SGCZ: variants seen among roughly 807,000 people sequenced by gnomAD.
SGCZ encodes zeta-sarcoglycan.
SGCZ carries 40 observed loss-of-function variants against 41.3 expected under a neutral mutation model. The ratio of observed to expected loss-of-function variants is 0.97; its 90% CI spans 0.75 to 1.26. The LOEUF (loss-of-function observed/expected upper bound fraction) is 1.26. Among genes scored for constraint, SGCZ ranks in the 50% most tolerant of loss-of-function variants. The probability of loss-of-function intolerance (pLI) is 0.00; values close to 1 mark genes in which losing one functional copy is unlikely to be tolerated. For missense variants in SGCZ, 552 were observed against 369.8 expected (o/e 1.49, Z -4.04); for synonymous variants, 206 against 137.5 (o/e 1.50, Z -3.49).
chr8:14,619,892 T>TC (rs755831885), intron 1 of SGCZ, among the ~76,000 whole-genome samples: 2 of 152,018 alleles, frequency 1.3e-5, no homozygotes. Flanking sequence ...TTCAATGCCA[T>TC]CCCATCAAGC....
In SGCZ at chr8:14,497,358, G is replaced by C. The variant is rs139967455; in HGVS notation, c.234+57374C>G. The stretch of plus-strand genomic sequence containing the variant: ...AGAAAGAAGGGAGAGGTCCAAGTCT[G>C]TTTTAAACAATCAGATCTCTCGTGA... On this transcript the variant is annotated intron_variant, in intron 2 of 7. Coordinates refer to ENST00000382080, the MANE Select transcript of SGCZ (RefSeq NM_139167.4). Among the ~76,000 whole-genome samples, 300 of 152,192 alleles carry C rather than the reference G, an allele frequency of 2.0e-3. 3 individuals are homozygous for C. The highest frequency in any genetic ancestry group is 6.8e-3 in the African/African-American group (281 of 41,532).
At chr8:14,677,815 A>T (rs982982464) in intron 1 of SGCZ, among the ~76,000 whole-genome samples, 13 of 152,160 alleles carry the variant, frequency 8.5e-5, no homozygotes, top group Non-Finnish European at 1.9e-4. Context: ...TAAACTTTAT[A>T]TGGAGAGGCA....
intron 1 of SGCZ, among the ~76,000 whole-genome samples, chr8:15,055,070 A>C (rs1320335050): frequency 6.6e-6 from 1 of 152,110 alleles, no homozygotes; most frequent in Non-Finnish European, 1.5e-5. Context: ...TTACCTAAAG[A>C]ATAAGTGCCA....
intron 1 of SGCZ, among the ~76,000 whole-genome samples, chr8:14,627,632 C>CT (rs1003177328): frequency 1.3e-5 from 2 of 151,706 alleles, no homozygotes; most frequent in Non-Finnish European, 3.0e-5. Flanking sequence ...GATTTCAGCA[C>CT]TTTTTTTCCT....
rs79131292 is a variant in SGCZ, at chr8:14,864,137, C to A, written c.40-309211G>T. Among the ~76,000 whole-genome samples the A allele has an allele frequency of 4.5e-3, 680 of 152,184 alleles. 6 individuals carry two copies. The highest frequency in any genetic ancestry group is 0.016 in the African/African-American group (648 of 41,548). On this transcript the variant is annotated intron_variant, in intron 1 of 7. Coordinates refer to ENST00000382080, the MANE Select transcript of SGCZ (RefSeq NM_139167.4). ...AGATGCTCATTTAGAAGGGTAAGAACAAAACATCATTGGATTTTCAGCAAT... is the reference window on the plus strand; with the variant it reads ...AGATGCTCATTTAGAAGGGTAAGAAAAAAACATCATTGGATTTTCAGCAAT...
At chr8:14,837,734 G>A (rs569300509) in intron 1 of SGCZ, among the ~76,000 whole-genome samples, 9 of 152,042 alleles carry the variant, frequency 5.9e-5, no homozygotes, top group Admixed American at 1.3e-4. Flanking sequence ...ACAATGGGAT[G>A]GGTTTTTTTG....
intron 1 of SGCZ, among the ~76,000 whole-genome samples, chr8:15,170,408 T>C (rs1799792724): frequency 3.3e-5 from 5 of 152,296 alleles, no homozygotes; most frequent in African/African-American, 1.2e-4. Context: ...CTTGAATAAA[T>C]CACATCTAAT....
At chr8:14,432,944 C>G (rs933381002) in intron 2 of SGCZ, among the ~76,000 whole-genome samples, 1 of 116,272 alleles carries the variant, frequency 8.6e-6, no homozygotes, top group Admixed American at 8.9e-5. Context: ...AAAAAAAAAG[C>G]TTACTCATGT....
intron 2 of SGCZ, among the ~76,000 whole-genome samples, chr8:14,546,464 A>T (rs1803630999): frequency 6.6e-6 from 1 of 152,168 alleles, no homozygotes; most frequent in Non-Finnish European, 1.5e-5. Context: ...GCTTTCTGAA[A>T]ATCATTGTTT....
intron 5 of SGCZ, among the ~76,000 whole-genome samples, chr8:14,149,307 T>G (rs762837737): frequency 1.2e-4 from 18 of 152,040 alleles, no homozygotes; most frequent in Non-Finnish European, 2.1e-4. Flanking sequence ...CCAAAATGAT[T>G]AGAACTGATA....
At chr8:15,075,181 T>C (rs1054536099) in intron 1 of SGCZ, among the ~76,000 whole-genome samples, 2 of 151,784 alleles carry the variant, frequency 1.3e-5, no homozygotes, top group Non-Finnish European at 2.9e-5. Flanking sequence ...CAAAAGTATC[T>C]TGTTATTTGT....
At chr8:15,058,326 AT>A (rs1475430646) in intron 1 of SGCZ, among the ~76,000 whole-genome samples, 1 of 152,134 alleles carries the variant, frequency 6.6e-6, no homozygotes, top group African/African-American at 2.4e-5. Context: ...CATGCCACTC[AT>A]GGGGTGAAAA....
intron 1 of SGCZ, among the ~76,000 whole-genome samples, chr8:14,622,452 G>C (rs976853327): frequency 1.3e-5 from 2 of 152,256 alleles, no homozygotes; most frequent in Middle Eastern, 3.4e-3. Flanking sequence ...CTAGCTGAGA[G>C]TGTTACCAGC....
intron 2 of SGCZ, among the ~76,000 whole-genome samples, chr8:14,491,982 A>G (rs1234657297): frequency 6.6e-6 from 1 of 152,228 alleles, no homozygotes; most frequent in Non-Finnish European, 1.5e-5. Flanking sequence ...CGACTTAGAT[A>G]TAAATAGTTA....
At chr8:14,488,340 T>TAA (rs2117021819) in intron 2 of SGCZ, among the ~76,000 whole-genome samples, 1 of 152,342 alleles carries the variant, frequency 6.6e-6, no homozygotes, top group South Asian at 2.1e-4. Flanking sequence ...TCGCCACGGT[T>TAA]AAAGTAAGCT....
At chr8:14,718,254 T>C (rs757359130) in intron 1 of SGCZ, among the ~76,000 whole-genome samples, 1 of 151,942 alleles carries the variant, frequency 6.6e-6, no homozygotes, top group Admixed American at 6.6e-5. Context: ...TGTTTTAATT[T>C]TTCGTCAGGT....
At chr8:14,295,888 A>T (rs191091804) in intron 3 of SGCZ, among the ~76,000 whole-genome samples, 132 of 152,290 alleles carry the variant, frequency 8.7e-4, no homozygotes, top group African/African-American at 3.1e-3. Flanking sequence ...ACAATTCTGC[A>T]TAAGTCCCCT....
chr8:14,499,763 G>A (rs891013279), intron 2 of SGCZ, among the ~76,000 whole-genome samples: 3 of 150,646 alleles, frequency 2.0e-5, no homozygotes, highest in African/African-American at 7.3e-5. Flanking sequence ...TTATCAATTT[G>A]TATATAGATA....
In SGCZ at chr8:15,179,614, G is replaced by C. The variant is rs549041372; in HGVS notation, c.39+57971C>G. Among the ~76,000 whole-genome samples the C allele has an allele frequency of 5.9e-5, 9 of 152,218 alleles. No individual in the cohort carries two copies. In the East Asian group the frequency reaches 1.7e-3, roughly 29 times the overall value. On this transcript the variant is annotated intron_variant, in intron 1 of 7. Coordinates refer to ENST00000382080, the MANE Select transcript of SGCZ (RefSeq NM_139167.4). ...TCACATTATAAATGGCACAAAGCAT[G>C]GTACACAGTCATCAGTTTTGGAAAT...
Sources: gnomAD v4.1 joint callset for allele counts (sites outside exome capture counted in the v4.1 genomes callset) on GRCh38, gnomAD v4.1.1 for gene constraint, MANE v1.5 for transcripts, NCBI Gene and HGNC (gene_info 2026-07-23, HGNC 2026-07-21) for gene names.